Variants in TRIM59 observed in about 807,000 individuals in gnomAD.
The protein encoded by TRIM59 is tripartite motif-containing protein 59.
In TRIM59, 14 loss-of-function variants were observed where a neutral mutation model predicts 32.2. The ratio of observed to expected loss-of-function variants is 0.43; its 90% CI spans 0.29 to 0.68. The LOEUF (loss-of-function observed/expected upper bound fraction) is 0.68. Among genes scored for constraint, TRIM59 ranks in the 30% least tolerant of loss-of-function variants. The pLI is 0.15. For synonymous variants in TRIM59, 163 were observed against 155.1 expected, an observed-to-expected ratio of 1.05 and a Z score of -0.38; for missense variants, 471 against 463.3, an observed-to-expected ratio of 1.02 and a Z score of -0.15.
intron 2 of TRIM59, among the ~76,000 whole-genome samples, chr3:160,448,265 TCAA>T (rs1156874114): frequency 6.6e-6 from 1 of 152,260 alleles, no homozygotes; most frequent in Non-Finnish European, 1.5e-5. Context: ...GAAATATTCA[TCAA>T]CGTGTTTAGT....
In TRIM59 at chr3:160,439,191, C is replaced by A; in HGVS notation, c.-3-5G>T. ...TTCCTCAAAATTGTGCATTTCCTGT[C>A]AAGAGAAAAATGTATTTTAAGTTTA... On this transcript the variant is annotated splice_region_variant and splice_polypyrimidine_tract_variant and intron_variant, in intron 2 of 2. Transcript: ENST00000309784. The A allele has an allele frequency of 2.0e-6, 3 of 1,484,846 alleles. No homozygotes were observed. The highest frequency in any genetic ancestry group is 3.0e-5 in the South Asian group (2 of 65,900). 92.0% of individuals were successfully genotyped at this position (1,484,846 alleles called of 1,614,324 possible). A position where few individuals can be genotyped will look rare whatever the true frequency, so the allele number is the denominator to read the frequency against.
At position 160,438,981 on chromosome 3, in the gene TRIM59, G is replaced by A. The variant is rs756945653; in HGVS notation, c.203C>T (p.Thr68Ile). The A allele has an allele frequency of 2.5e-6, 4 of 1,614,092 alleles. No homozygotes were observed. Among genetic ancestry groups the A allele is most frequent in the Non-Finnish European group, 2.5e-6 (3 of 1,179,982 alleles). Reference sequence around the variant, plus strand: ...ATTAACAGGTAAAGATTCAATGCCAGTTGGAGCAATTTCAGTAATACTTCT... The same window carrying A: ...ATTAACAGGTAAAGATTCAATGCCAATTGGAGCAATTTCAGTAATACTTCT... ...NCRSITEIAP[T>I]GIESLPVNFA... The change falls in exon 3 of 3, where the codon ACT (threonine) becomes ATT (isoleucine). Residue 68 changes from threonine (T) to isoleucine (I), a missense_variant. By Grantham distance (89) the Thr-to-Ile change is moderately conservative. Coordinates refer to ENST00000309784, the MANE Select transcript of TRIM59 (RefSeq NM_173084.3).
rs964363809 is a variant in TRIM59 at position 160,447,383 on chromosome 3, A to T, written c.-4+1343T>A. On this transcript the variant is annotated intron_variant, in intron 2 of 2. Coordinates refer to ENST00000309784, the MANE Select transcript of TRIM59 (RefSeq NM_173084.3). Reference sequence around the variant, plus strand: ...TTAATATAAAAAAATGAATCTTCTCAGAAAGAAACCTGAGGCTAAATCACT... The same window carrying T: ...TTAATATAAAAAAATGAATCTTCTCTGAAAGAAACCTGAGGCTAAATCACT... Among the ~76,000 whole-genome samples, 3 of 152,240 alleles carry T rather than the reference A, an allele frequency of 2.0e-5. No individual in the cohort carries two copies. In the South Asian group the frequency reaches 6.2e-4, roughly 31 times the overall value.
chr3:160,439,307 AT>A, intron 2 of TRIM59, 121 bp from the exon 3 acceptor site: 2 of 778,222 alleles, frequency 2.6e-6, no homozygotes, highest in South Asian at 9.0e-5. Context: ...AGAACAAGGT[AT>A]TTTTAAAATG....
In TRIM59 at chr3:160,435,905, G is replaced by C; in HGVS notation, c.*2067C>G. 1.6e-6 allele frequency: 2 copies of C among 1,259,610 alleles called. No individual in the cohort carries two copies. The highest frequency in any genetic ancestry group is 2.1e-6 in the Non-Finnish European group (2 of 962,406). The allele number at this position is 1,259,610 out of a possible 1,614,324, so 78.0% of individuals were successfully genotyped here. On this transcript the variant is annotated 3_prime_UTR_variant, in exon 3 of 3. Transcript: ENST00000309784. Reference sequence around the variant, plus strand: ...TCAGTTCCCTCATCTACAAAAAGGGGGTTAAAAATATTCACATCACAGAAA... The same window carrying C: ...TCAGTTCCCTCATCTACAAAAAGGGCGTTAAAAATATTCACATCACAGAAA...
In TRIM59 at chr3:160,438,833, A is replaced by C. The variant is rs1376406271; in HGVS notation, c.351T>G (p.Cys117Trp). Residue 117 changes from cysteine to tryptophan, a missense_variant, in exon 3 of 3, where the codon TGT (cysteine) becomes TGG (tryptophan). Coordinates refer to ENST00000309784, the MANE Select transcript of TRIM59 (RefSeq NM_173084.3). ...GTTGACCTATGGTAAGGCAATGACC[A>C]CAAACTAATTTTTTATCTAATAGAC... is the stretch of plus-strand genomic sequence containing the variant. ...VYCLLDKKLV[C>W]GHCLTIGQHH... is the part of the protein sequence containing the mutation. 4 of 1,614,070 alleles carry C rather than the reference A, an allele frequency of 2.5e-6. No individual in the cohort carries two copies. Among genetic ancestry groups the C allele is most frequent in the Non-Finnish European group, 3.4e-6 (4 of 1,179,978 alleles).
intron 2 of TRIM59, among the ~76,000 whole-genome samples, chr3:160,443,349 A>G (rs903160036): frequency 3.9e-5 from 6 of 152,218 alleles, no homozygotes; most frequent in African/African-American, 1.2e-4. Context: ...ACTGGAAACA[A>G]TAAGACAATG....
chr3:160,445,881 A>T (rs1719506143), intron 2 of TRIM59, among the ~76,000 whole-genome samples: 1 of 151,930 alleles, frequency 6.6e-6, no homozygotes, highest in African/African-American at 2.4e-5. Context: ...TGGTGTGACC[A>T]TGGCTCACTG....
At chr3:160,446,411 A>G (rs976038491) in intron 2 of TRIM59, among the ~76,000 whole-genome samples, 1 of 152,222 alleles carries the variant, frequency 6.6e-6, no homozygotes, top group Non-Finnish European at 1.5e-5. Flanking sequence ...ACACAGGAGT[A>G]CATTAAAAAA....
chr3:160,439,002 C>A lies in TRIM59; in HGVS notation c.182G>T (p.Ser61Ile), dbSNP rs935475420. 5.0e-6 allele frequency: 8 copies of A among 1,613,526 alleles called. No individual in the cohort carries two copies. Among genetic ancestry groups the A allele is most frequent in the Non-Finnish European group, 6.8e-6 (8 of 1,179,648 alleles). Residue 61 changes from serine (S) to isoleucine (I), a missense_variant, in exon 3 of 3, where the codon AGT (serine) becomes ATT (isoleucine). By Grantham distance (142) the Ser-to-Ile change is moderately radical (BLOSUM62 -2). Transcript: ENST00000309784. ...GCCAGTTGGAGCAATTTCAGTAATA[C>A]TTCTGCAATTAGGGCACTTGAGTGG... is the stretch of plus-strand genomic sequence containing the variant. ...RIPLKCPNCRSITEIAPTGIE... is the reference protein window; with the variant it reads ...RIPLKCPNCRIITEIAPTGIE...
chr3:160,442,458 T>C (rs546815807), intron 2 of TRIM59, among the ~76,000 whole-genome samples: 26 of 151,796 alleles, frequency 1.7e-4, no homozygotes, highest in Non-Finnish European at 2.9e-4. Flanking sequence ...GGCGCACACC[T>C]GTAATCCCTA....
rs1480840342 is a variant in TRIM59, at chr3:160,437,776, C to G, written c.*196G>C. On this transcript the variant is annotated 3_prime_UTR_variant, in exon 3 of 3. Coordinates refer to ENST00000309784, the MANE Select transcript of TRIM59 (RefSeq NM_173084.3). Reference sequence around the variant, plus strand: ...TTACTTTTCAAATTGTTACTAGATTCTGTTTCCCAAAGATTTGACTATTTC... The same window carrying G: ...TTACTTTTCAAATTGTTACTAGATTGTGTTTCCCAAAGATTTGACTATTTC... 3 of 1,237,970 alleles carry G rather than the reference C, an allele frequency of 2.4e-6. No homozygotes were observed. Among genetic ancestry groups the G allele is most frequent in the African/African-American group, 1.6e-5 (1 of 64,150 alleles). 76.7% of individuals were successfully genotyped at this position (1,237,970 alleles called of 1,614,324 possible).
At chr3:160,448,449 C>G (rs1239880139) in intron 2 of TRIM59, among the ~76,000 whole-genome samples, 1 of 152,146 alleles carries the variant, frequency 6.6e-6, no homozygotes, top group Non-Finnish European at 1.5e-5. Flanking sequence ...TATAAAATAA[C>G]AACTTTGCAT....
chr3:160,436,251 T>A lies in TRIM59; in HGVS notation c.*1721A>T, dbSNP rs1006487379. 1.0e-6 allele frequency: 1 copy of A among 993,084 alleles called. No homozygotes were observed. Among genetic ancestry groups the A allele is most frequent in the African/African-American group, 1.7e-5 (1 of 57,310 alleles). The allele number at this position is 993,084 out of a possible 1,614,324, so 61.5% of individuals were successfully genotyped here. On this transcript the variant is annotated 3_prime_UTR_variant, in exon 3 of 3. Coordinates refer to ENST00000309784, the MANE Select transcript of TRIM59 (RefSeq NM_173084.3). ...CCTGAAAAAGCTGTATTTATGATAG[T>A]TTATGTGCAATCTGTAGGGCCAGGA... is the stretch of plus-strand genomic sequence containing the variant.
In TRIM59 at chr3:160,436,669, A is replaced by T. The variant is rs1337235270; in HGVS notation, c.*1303T>A. On this transcript the variant is annotated 3_prime_UTR_variant, in exon 3 of 3. Coordinates refer to ENST00000309784, the MANE Select transcript of TRIM59 (RefSeq NM_173084.3). ...GAAAATTAGCTGGGCGTGGTAGCAG[A>T]TGCCTGTAGTCCCAGCTACTCGGGA... is the stretch of plus-strand genomic sequence containing the variant. 1.9e-6 allele frequency: 1 copy of T among 532,120 alleles called. No homozygotes were observed. Among genetic ancestry groups the T allele is most frequent in the Non-Finnish European group, 2.4e-6 (1 of 415,490 alleles). 33.0% of individuals were successfully genotyped at this position (532,120 alleles called of 1,614,324 possible). A position where few individuals can be genotyped will look rare whatever the true frequency, so the allele number is the denominator to read the frequency against.
intron 1 of TRIM59, chr3:160,449,374 A>T: frequency 1.6e-6 from 1 of 617,608 alleles, no homozygotes; most frequent in Non-Finnish European, 2.3e-6. Context: ...TCAAAGCTCC[A>T]CTCTCCCAGG....
intron 2 of TRIM59, among the ~76,000 whole-genome samples, chr3:160,443,683 G>A (rs2108518597): frequency 6.6e-6 from 1 of 152,122 alleles, no homozygotes; most frequent in Middle Eastern, 3.4e-3. Flanking sequence ...CTGTCGCCCA[G>A]GCTGGAGTGC....
chr3:160,439,952 C>T (rs909109928), intron 2 of TRIM59, among the ~76,000 whole-genome samples: 2 of 152,118 alleles, frequency 1.3e-5, no homozygotes, highest in Non-Finnish European at 2.9e-5. Flanking sequence ...AATGAGTAGA[C>T]AAGACTATTT....
chr3:160,446,649 G>T (rs533667838), intron 2 of TRIM59, among the ~76,000 whole-genome samples: 1 of 152,294 alleles, frequency 6.6e-6, no homozygotes, highest in Non-Finnish European at 1.5e-5. Flanking sequence ...GGAAGATGTA[G>T]AGTTATCATT....
Sources: gnomAD v4.1 joint callset for allele counts (sites outside exome capture counted in the v4.1 genomes callset) on GRCh38, gnomAD v4.1.1 for gene constraint, MANE v1.5 for transcripts, NCBI Gene and HGNC (gene_info 2026-07-23, HGNC 2026-07-21) for gene names.